The following CALD1 variants were observed in gnomAD, a reference collection of about 807,000 sequenced individuals.
The protein encoded by CALD1 is caldesmon.
A neutral mutation model predicts 99.9 loss-of-function variants in CALD1; 33 were observed. The observed-to-expected ratio is 0.33, with a 90% CI of 0.25 to 0.44. The LOEUF (loss-of-function observed/expected upper bound fraction) is 0.44. CALD1 is among the 20% of genes least tolerant of loss of function. The pLI, the probability that CALD1 is intolerant of heterozygous loss-of-function variation, is 1.00. For missense variants in CALD1, 861 were observed against 962.1 expected (o/e 0.89, Z 1.39); for synonymous variants, 310 against 325.0 (o/e 0.95, Z 0.50).
At chr7:134,863,748 T>C (rs1369707085) in intron 2 of CALD1, among the ~76,000 whole-genome samples, 1 of 152,196 alleles carries the variant, frequency 6.6e-6, no homozygotes, top group Non-Finnish European at 1.5e-5. Context: ...ACATCAGCTA[T>C]TGAACTAAAT....
intron 6 of CALD1, among the ~76,000 whole-genome samples, chr7:134,936,409 C>A (rs1399118266): frequency 3.3e-5 from 5 of 152,202 alleles, no homozygotes; most frequent in African/African-American, 4.8e-5. Context: ...AACACCACAT[C>A]AGAACACTTG....
At position 134,933,823 on chromosome 7, in the gene CALD1, G is replaced by T; in HGVS notation, c.1054G>T (p.Ala352Ser). 1 of 1,576,166 alleles carries T rather than the reference G, an allele frequency of 6.3e-7. No homozygotes were observed. ...GAGGATAAAGGAGGAAGAGAAAAGG[G>T]CAGCAGAGGAGAGGCAGAGGATAAA... ...RQRIKEEEKR[A>S]AEERQRIKEE... The change falls in exon 5 of 15, where the codon GCA (alanine) becomes TCA (serine). Residue 352 changes from alanine (A) to serine (S), a missense_variant. Ala to Ser is a moderately conservative substitution (Grantham distance 99, BLOSUM62 1). Coordinates refer to ENST00000361675, the MANE Select transcript of CALD1 (RefSeq NM_033138.4).
At chr7:134,965,576 C>A in intron 14 of CALD1, 190 bp downstream of exon 14, 1 of 502,900 alleles carries the variant, frequency 2.0e-6, no homozygotes, top group Non-Finnish European at 3.6e-6. Context: ...AGTCATACAA[C>A]ATAAACGGCC....
At chr7:134,784,292 G>A (rs1256929701) in intron 1 of CALD1, among the ~76,000 whole-genome samples, 4 of 152,194 alleles carry the variant, frequency 2.6e-5, no homozygotes, top group Non-Finnish European at 4.4e-5. Context: ...TAGTTCCTCT[G>A]ACACCCACAT....
the CALD1 span, among the ~76,000 whole-genome samples, chr7:134,720,184 CT>C: frequency 1.4e-3 from 193 of 139,942 alleles, 1 homozygote; most frequent in Middle Eastern, 7.5e-3. Context: ...TAGCCCTCCT[CT>C]TTTTTTTTTT....
intron 3 of CALD1, among the ~76,000 whole-genome samples, chr7:134,925,651 A>C (rs957772631): frequency 4.6e-5 from 7 of 151,988 alleles, no homozygotes; most frequent in African/African-American, 1.7e-4. Flanking sequence ...GAGAGAATTC[A>C]CTCACTGTCA....
At chr7:134,907,787 T>C (rs989360301) in intron 3 of CALD1, among the ~76,000 whole-genome samples, 1 of 151,822 alleles carries the variant, frequency 6.6e-6, no homozygotes, top group Admixed American at 6.6e-5. Context: ...GAACTGCACA[T>C]GTTGTGGGAG....
chr7:134,921,578 G>A (rs777158380), intron 3 of CALD1, among the ~76,000 whole-genome samples: 2 of 152,198 alleles, frequency 1.3e-5, no homozygotes, highest in Admixed American at 6.5e-5. Context: ...TTGGGAGGCC[G>A]AGGCGGGCGG....
intron 2 of CALD1, among the ~76,000 whole-genome samples, chr7:134,846,263 G>T (rs1305298109): frequency 6.6e-6 from 1 of 151,964 alleles, no homozygotes; most frequent in Non-Finnish European, 1.5e-5. Context: ...CCCAGATAGG[G>T]GTGGAGGGCT....
upstream of CALD1, among the ~76,000 whole-genome samples, chr7:134,740,243 A>G (rs1185053046): frequency 6.6e-6 from 1 of 152,160 alleles, no homozygotes; most frequent in African/African-American, 2.4e-5. Flanking sequence ...AGTGCCTTGA[A>G]TGAGGAAGTA....
chr7:134,837,780 C>T (rs950533474), intron 1 of CALD1, among the ~76,000 whole-genome samples: 2 of 152,154 alleles, frequency 1.3e-5, no homozygotes, highest in African/African-American at 2.4e-5. Flanking sequence ...GAGGCATTAA[C>T]CAAGTACAAT....
chr7:134,737,762 C>T, the CALD1 span, among the ~76,000 whole-genome samples: 2 of 152,124 alleles, frequency 1.3e-5, no homozygotes, highest in South Asian at 4.1e-4. Flanking sequence ...TTGCTTGCTC[C>T]TGTGAAACCA....
intron 2 of CALD1, among the ~76,000 whole-genome samples, chr7:134,858,075 C>CTT (rs5887709): frequency 0.25 from 37,351 of 146,716 alleles, 5,704 homozygotes; most frequent in African/African-American, 0.43. Flanking sequence ...GAGTTGCTGA[C>CTT]TTTTTTTTTT....
At chr7:134,851,165 T>C (rs1640093482) in intron 2 of CALD1, among the ~76,000 whole-genome samples, 1 of 152,200 alleles carries the variant, frequency 6.6e-6, no homozygotes. Context: ...GGGATGCATA[T>C]GTTCTCCATT....
chr7:134,766,107 C>A (rs1796823556), intron 1 of CALD1, among the ~76,000 whole-genome samples: 1 of 149,424 alleles, frequency 6.7e-6, no homozygotes, highest in African/African-American at 2.5e-5. Flanking sequence ...ATAAAGCCTG[C>A]AGAACCATGA....
chr7:134,779,741 G>T lies in CALD1; in HGVS notation c.-138G>T. On this transcript the variant is annotated 5_prime_UTR_variant, in exon 1 of 15. Transcript: ENST00000361675. ...ACTTAGTCCTCGGGAAGAAGTTTCA[G>T]ACTACAAGGTAAGGCACAGAAGGCT... The T allele has an allele frequency of 2.5e-6, 1 of 398,574 alleles. No homozygotes were observed. 24.7% of individuals were successfully genotyped at this position (398,574 alleles called of 1,614,324 possible). A position where few individuals can be genotyped will look rare whatever the true frequency, so the allele number is the denominator to read the frequency against.
intron 1 of CALD1, among the ~76,000 whole-genome samples, chr7:134,772,795 C>G (rs1259518130): frequency 6.6e-6 from 1 of 152,164 alleles, no homozygotes. Flanking sequence ...CTGTCTACCT[C>G]ACTTTTCCTT....
At chr7:134,781,421 C>G (rs373710439) in intron 1 of CALD1, among the ~76,000 whole-genome samples, 2 of 152,106 alleles carry the variant, frequency 1.3e-5, no homozygotes, top group Non-Finnish European at 2.9e-5. Context: ...CTCCCCACCC[C>G]CAACAACCAT....
At chr7:134,749,595 AAG>A (rs1328887059) in intron 1 of CALD1, among the ~76,000 whole-genome samples, 1 of 152,156 alleles carries the variant, frequency 6.6e-6, no homozygotes, top group Non-Finnish European at 1.5e-5. Flanking sequence ...CCTGAGCAAA[AAG>A]AGCGAAAAAA....
Sources: allele counts gnomAD v4.1 joint callset (sites outside exome capture counted in the v4.1 genomes callset), GRCh38; gene constraint gnomAD v4.1.1; transcripts MANE v1.5; gene names NCBI Gene and HGNC (gene_info 2026-07-23, HGNC 2026-07-21).